Variants in CSMD3 observed in about 807,000 individuals in gnomAD.
CSMD3 encodes the protein CUB and sushi domain-containing protein 3.
A neutral mutation model predicts 435.2 loss-of-function variants in CSMD3; 177 were observed. The ratio of observed to expected loss-of-function variants is 0.41; its 90% confidence interval spans 0.36 to 0.46. CSMD3 has a LOEUF of 0.46. CSMD3 is among the 20% of genes least tolerant of loss of function. The pLI, the probability that CSMD3 is intolerant of heterozygous loss-of-function variation, is 0.34. For synonymous variants in CSMD3, 1,656 were observed against 1,520.5 expected (o/e 1.09, Z -2.07); for missense variants, 4,265 against 4,504.6 (o/e 0.95, Z 1.52).
At chr8:112,971,297 A>T (rs2084647243) in intron 7 of CSMD3, among the ~76,000 whole-genome samples, 1 of 152,184 alleles carries the variant, frequency 6.6e-6, no homozygotes. Context: ...AATGAAAATA[A>T]CAACCATCCT....
chr8:113,235,129 G>A (rs1451539738), intron 3 of CSMD3, among the ~76,000 whole-genome samples: 1 of 152,112 alleles, frequency 6.6e-6, no homozygotes, highest in Non-Finnish European at 1.5e-5. Context: ...TGTGGTGAAA[G>A]TCTTCGGCAG....
chr8:113,431,583 C>G (rs564703653), intron 1 of CSMD3, among the ~76,000 whole-genome samples: 64 of 152,184 alleles, frequency 4.2e-4, no homozygotes, highest in Admixed American at 3.3e-3. Flanking sequence ...TTTCGGAAGC[C>G]CCTGATAAGT....
rs758883600 is a variant in CSMD3 at position 112,304,785 on chromosome 8, A to G, written c.8202T>C (p.Pro2734=). ...SCDPGYHGLG[P]ASIECLPNGT... is the part of the protein sequence containing the mutation. The stretch of plus-strand genomic sequence containing the variant: ...CATTAGGAAGACATTCGATGGAGGC[A>G]GGACCTAGTCCATGATAACCAGGGT... The change falls in exon 52 of 71, where the codon CCT becomes CCC. Residue 2734 remains proline (P), a synonymous_variant. Coordinates refer to ENST00000297405, the MANE Select transcript of CSMD3 (RefSeq NM_198123.2). 3.1e-6 allele frequency: 5 copies of G among 1,613,776 alleles called. No individual in the cohort carries two copies. In the Admixed American group the frequency reaches 8.3e-5, roughly 27 times the overall value.
intron 1 of CSMD3, among the ~76,000 whole-genome samples, chr8:113,381,709 A>G (rs955368526): frequency 3.9e-5 from 6 of 152,132 alleles, no homozygotes; most frequent in African/African-American, 1.4e-4. Context: ...AGATAATCAA[A>G]TGGCCAATTC....
chr8:113,378,141 C>A (rs2133091506), intron 1 of CSMD3, among the ~76,000 whole-genome samples: 1 of 152,154 alleles, frequency 6.6e-6, no homozygotes, highest in South Asian at 2.1e-4. Context: ...ATAGGCATAA[C>A]CCTTAGAACG....
intron 5 of CSMD3, among the ~76,000 whole-genome samples, chr8:113,083,303 G>C (rs1228774678): frequency 6.6e-6 from 1 of 151,994 alleles, no homozygotes; most frequent in African/African-American, 2.4e-5. Context: ...TTCTCAGCAG[G>C]AACCTTATAA....
At chr8:112,772,470 G>GAAGGCC (rs1346057311) in intron 13 of CSMD3, among the ~76,000 whole-genome samples, 1 of 152,070 alleles carries the variant, frequency 6.6e-6, no homozygotes, top group African/African-American at 2.4e-5. Context: ...AAACACTGCG[G>GAAGGCC]AAGGCCGCAG....
chr8:112,408,038 T>G (rs1024783410), intron 34 of CSMD3, among the ~76,000 whole-genome samples: 2 of 151,642 alleles, frequency 1.3e-5, no homozygotes, highest in African/African-American at 4.8e-5. Context: ...AAATAGAAAA[T>G]GTAGATAGTA....
intron 30 of CSMD3, among the ~76,000 whole-genome samples, chr8:112,498,146 A>G (rs936474824): frequency 1.1e-4 from 17 of 152,176 alleles, no homozygotes; most frequent in Middle Eastern, 3.4e-3. Flanking sequence ...AAATCATTTT[A>G]ACAATTCGAT....
chr8:113,183,832 T>C (rs1373478962), intron 3 of CSMD3, among the ~76,000 whole-genome samples: 1 of 152,014 alleles, frequency 6.6e-6, no homozygotes, highest in African/African-American at 2.4e-5. Flanking sequence ...AATCAAACTG[T>C]GTTTTTCCTC....
chr8:112,245,735 GC>G (rs1028526785), intron 64 of CSMD3, among the ~76,000 whole-genome samples: 4 of 152,008 alleles, frequency 2.6e-5, no homozygotes, highest in Admixed American at 6.6e-5. Context: ...GATGGGTTTC[GC>G]CATGGTGACC....
At chr8:113,117,866 T>C (rs1246063513) in intron 4 of CSMD3, among the ~76,000 whole-genome samples, 1 of 152,154 alleles carries the variant, frequency 6.6e-6, no homozygotes, top group Non-Finnish European at 1.5e-5. Context: ...TTTTGGCCAA[T>C]TTCTCCCACT....
Position 112,224,761 on chromosome 8 carries a change from G to T in CSMD3, c.*10C>A, listed in dbSNP as rs767515522. On this transcript the variant is annotated 3_prime_UTR_variant, in exon 71 of 71. Coordinates refer to ENST00000297405, the MANE Select transcript of CSMD3 (RefSeq NM_198123.2). ...TTTCCAAGCTTCTGAAGAAGGCAAA[G>T]GTTGCCTCGTTATACCATTGTGCAA... 10 of 1,613,678 alleles carry T rather than the reference G, an allele frequency of 6.2e-6. No homozygotes were observed. The highest frequency in any genetic ancestry group is 2.2e-5 in the South Asian group (2 of 91,084).
intron 16 of CSMD3, among the ~76,000 whole-genome samples, chr8:112,669,353 T>A (rs2075602523): frequency 6.6e-6 from 1 of 151,974 alleles, no homozygotes; most frequent in South Asian, 2.1e-4. Context: ...TAATTGCAAA[T>A]ATTTTATCTG....
chr8:113,235,541 G>A (rs1390568867), intron 3 of CSMD3, among the ~76,000 whole-genome samples: 1 of 151,994 alleles, frequency 6.6e-6, no homozygotes, highest in East Asian at 1.9e-4. Flanking sequence ...TCAACTAAAT[G>A]GTAATGGGCA....
chr8:113,339,040 C>T (rs571990384), intron 1 of CSMD3, among the ~76,000 whole-genome samples: 1 of 152,012 alleles, frequency 6.6e-6, no homozygotes, highest in Admixed American at 6.6e-5. Context: ...TCTCATTTCA[C>T]AACTTAGCAC....
chr8:112,379,185 G>A (rs1829237441), intron 38 of CSMD3, among the ~76,000 whole-genome samples: 1 of 152,140 alleles, frequency 6.6e-6, no homozygotes, highest in Non-Finnish European at 1.5e-5. Context: ...CTACAAAATA[G>A]TAGGCGGGAC....
At chr8:112,843,971 T>C (rs113032213) in intron 11 of CSMD3, among the ~76,000 whole-genome samples, 5,263 of 151,982 alleles carry the variant, frequency 0.035, 138 homozygotes, top group Middle Eastern at 0.048. Flanking sequence ...TATAACAGCA[T>C]CCAGACTTCA....
chr8:112,457,310 T>A (rs1244884283), intron 32 of CSMD3, among the ~76,000 whole-genome samples: 1 of 152,062 alleles, frequency 6.6e-6, no homozygotes, highest in Non-Finnish European at 1.5e-5. Context: ...GCATGGGGAA[T>A]GGAGTGAAGA....
Sources: allele counts gnomAD v4.1 joint callset (sites outside exome capture counted in the v4.1 genomes callset), GRCh38; gene constraint gnomAD v4.1.1; transcripts MANE v1.5; gene names NCBI Gene and HGNC (gene_info 2026-07-23, HGNC 2026-07-21).